Variants in BCAS3 observed in about 807,000 individuals in gnomAD.
BCAS3 encodes the protein BCAS4/BCAS3 fusion.
Under a neutral mutation model 116.1 loss-of-function variants are expected in BCAS3, and 53 were observed. The ratio of observed to expected loss-of-function variants is 0.46; its 90% confidence interval spans 0.37 to 0.57. BCAS3 has a LOEUF of 0.57. BCAS3 is among the 20% of genes least tolerant of loss of function. The pLI is 0.00. For missense variants in BCAS3, 917 were observed against 1,165.4 expected (o/e 0.79, Z 3.10); for synonymous variants, 391 against 408.2 (o/e 0.96, Z 0.51).
chr17:60,826,558 T>C (rs567374425), intron 7 of BCAS3, among the ~76,000 whole-genome samples: 2 of 152,252 alleles, frequency 1.3e-5, no homozygotes, highest in Admixed American at 1.3e-4. Flanking sequence ...AAGAAAATAT[T>C]TGTGAAAGGT....
intron 22 of BCAS3, among the ~76,000 whole-genome samples, chr17:61,329,993 G>C (rs189393290): frequency 6.6e-6 from 1 of 152,140 alleles, no homozygotes; most frequent in Non-Finnish European, 1.5e-5. Context: ...CACCGTCCCT[G>C]CCCTAACAGA....
At position 61,196,420 on chromosome 17, in the gene BCAS3, C is replaced by T. The variant is rs1014743911; in HGVS notation, c.2425+111856C>T. 1.3e-5 allele frequency among the ~76,000 whole-genome samples: 2 copies of T among 152,174 alleles called. No homozygotes were observed. Among genetic ancestry groups the T allele is most frequent in the Non-Finnish European group, 2.9e-5 (2 of 68,038 alleles). On this transcript the variant is annotated intron_variant, in intron 22 of 23. Coordinates refer to ENST00000407086, the MANE Select transcript of BCAS3 (RefSeq NM_017679.5). The surrounding 1 kb of genome is among the most constrained non-coding windows in gnomAD (Gnocchi z 4.7). ...GCCGCTAAAAATGAAAACCATGCCC[C>T]AGCCGGGACAAGAACAGGGTCAACA...
intron 22 of BCAS3, among the ~76,000 whole-genome samples, chr17:61,263,378 T>C (rs2049390376): frequency 6.6e-6 from 1 of 152,184 alleles, no homozygotes; most frequent in Admixed American, 6.5e-5. Context: ...AACCTGGACA[T>C]AGGGGTGAGA....
intron 22 of BCAS3, among the ~76,000 whole-genome samples, chr17:61,129,438 C>T (rs2076216000): frequency 6.6e-6 from 1 of 152,218 alleles, no homozygotes; most frequent in African/African-American, 2.4e-5. Flanking sequence ...GAAAACACTG[C>T]ACTGAGCAAA....
chr17:61,003,025 A>T (rs944520557), intron 15 of BCAS3, among the ~76,000 whole-genome samples: 8 of 148,910 alleles, frequency 5.4e-5, no homozygotes, highest in Non-Finnish European at 1.0e-4. Context: ...TATCCTCCCC[A>T]CTCTCGGGTG....
chr17:61,045,114 T>G (rs2067925578), intron 19 of BCAS3, among the ~76,000 whole-genome samples: 1 of 152,084 alleles, frequency 6.6e-6, no homozygotes, highest in Admixed American at 6.5e-5. Context: ...ATTATTATTA[T>G]AAGCTTTTGT....
At chr17:60,741,994 A>AT (rs1254465070) in intron 5 of BCAS3, among the ~76,000 whole-genome samples, 5 of 152,078 alleles carry the variant, frequency 3.3e-5, no homozygotes, top group East Asian at 1.9e-4. Flanking sequence ...GATATCCTGC[A>AT]TTTTTTTTAA....
At chr17:60,684,630 C>T (rs942898892) in intron 3 of BCAS3, among the ~76,000 whole-genome samples, 1 of 152,050 alleles carries the variant, frequency 6.6e-6, no homozygotes, top group Non-Finnish European at 1.5e-5. Context: ...ATAATTTCCT[C>T]TCTCAGAGTC....
In BCAS3 at chr17:61,365,172, T is replaced by C. The variant is rs2058659829; in HGVS notation, c.2426-3155T>C. On this transcript the variant is annotated intron_variant, in intron 22 of 23. Coordinates refer to ENST00000407086, the MANE Select transcript of BCAS3 (RefSeq NM_017679.5). This position sits in a 1 kb window ranked among gnomAD's most constrained non-coding sequence, Gnocchi z 4.6. ...GTTAGTCTTTCTTGAAGTCCAGGCCTATTTCCATCCACCACTATGACACTA... is the reference window on the plus strand; with the variant it reads ...GTTAGTCTTTCTTGAAGTCCAGGCCCATTTCCATCCACCACTATGACACTA... Among the ~76,000 whole-genome samples, 1 of 152,230 alleles carries C rather than the reference T, an allele frequency of 6.6e-6. No homozygotes were observed. The highest frequency in any genetic ancestry group is 1.5e-5 in the Non-Finnish European group (1 of 68,040).
rs1432749356 is a variant in BCAS3, at chr17:61,377,351, G to A, written c.2593+8857G>A. Among the ~76,000 whole-genome samples the A allele has an allele frequency of 6.6e-6, 1 of 152,156 alleles. No individual in the cohort carries two copies. The highest frequency in any genetic ancestry group is 1.5e-5 in the Non-Finnish European group (1 of 68,034). ...TGGGACAGCCGGTGGCCTCGGCAGGGGTGGTGTTGTTGGTGTTGCTATTTG... is the reference window on the plus strand; with the variant it reads ...TGGGACAGCCGGTGGCCTCGGCAGGAGTGGTGTTGTTGGTGTTGCTATTTG... On this transcript the variant is annotated intron_variant, in intron 23 of 23. Coordinates refer to ENST00000407086, the MANE Select transcript of BCAS3 (RefSeq NM_017679.5). The surrounding 1 kb of genome is among the most constrained non-coding windows in gnomAD (Gnocchi z 4.6).
chr17:60,709,258 C>A lies in BCAS3; in HGVS notation c.254C>A (p.Thr85Asn), dbSNP rs775826447. The A allele has an allele frequency of 6.3e-7, 1 of 1,596,744 alleles. No homozygotes were observed. Among genetic ancestry groups the A allele is most frequent in the South Asian group, 1.1e-5 (1 of 90,716 alleles). Residue 85 changes from threonine (T) to asparagine (N), a missense_variant, in exon 5 of 24, where the codon ACT becomes AAT. This residue lies in a region of BCAS3 where 807 missense variants were observed against 1,026.0 expected (regional missense o/e 0.79). Coordinates refer to ENST00000407086, the MANE Select transcript of BCAS3 (RefSeq NM_017679.5). ...RNLEFHEIHS[T>N]GNEPPLLIMI... ...CTGGAATTTCATGAAATACATAGTA[C>A]TGGGAATGAACCGCCTTTGTTGATT...
Position 61,161,056 on chromosome 17 carries a change from G to C in BCAS3, c.2425+76492G>C, listed in dbSNP as rs1390411107. The stretch of plus-strand genomic sequence containing the variant: ...TTGGGACGACTACAAGAGATCTATA[G>C]TTAAAATACTCTGCAGATGATGAAG... On this transcript the variant is annotated intron_variant, in intron 22 of 23. Coordinates refer to ENST00000407086, the MANE Select transcript of BCAS3 (RefSeq NM_017679.5). The surrounding 1 kb of genome is among the most constrained non-coding windows in gnomAD (Gnocchi z 4.8). Among the ~76,000 whole-genome samples the C allele has an allele frequency of 6.6e-6, 1 of 152,086 alleles. No individual in the cohort carries two copies. Among genetic ancestry groups the C allele is most frequent in the Non-Finnish European group, 1.5e-5 (1 of 68,018 alleles).
rs1267985905 is a variant in BCAS3, at chr17:60,854,949, G to GTTTTTTTTTTTTTTTTTT, written c.477-13623_477-13606dup. Among the ~76,000 whole-genome samples the GTTTTTTTTTTTTTTTTTT allele has an allele frequency of 3.3e-5, 4 of 121,952 alleles. 1 individual carries two copies. The highest frequency in any genetic ancestry group is 5.3e-4 in the South Asian group (2 of 3,772). 80.0% of individuals were successfully genotyped at this position (121,952 alleles called of 152,430 possible). On this transcript the variant is annotated intron_variant, in intron 7 of 23. Transcript: ENST00000407086. ...ATTTTTCTTATTTATTTTCAGTGAG[G>GTTTTTTTTTTTTTTTTTT]TTTTTTTTTTTTTTTTTTTTTGTAG...
intron 22 of BCAS3, among the ~76,000 whole-genome samples, chr17:61,242,276 C>CA (rs372656421): frequency 0.81 from 106,410 of 130,926 alleles, 43,111 homozygotes; most frequent in South Asian, 0.93. Context: ...AACTCTGTCT[C>CA]AAAAAAAAAA....
chr17:61,359,502 T>TG (rs1245567496), intron 22 of BCAS3, among the ~76,000 whole-genome samples: 3 of 149,042 alleles, frequency 2.0e-5, no homozygotes, highest in Non-Finnish European at 4.4e-5. Flanking sequence ...AAGGTTTTGT[T>TG]TTTTTTTTTT....
At position 61,208,696 on chromosome 17, in the gene BCAS3, T is replaced by C. The variant is rs1314945027; in HGVS notation, c.2425+124132T>C. ...CCCTAGAGAGAGCCTCAGACACATTTTGTTCCCAAACAGAATTAGAAGGAA... is the reference window on the plus strand; with the variant it reads ...CCCTAGAGAGAGCCTCAGACACATTCTGTTCCCAAACAGAATTAGAAGGAA... On this transcript the variant is annotated intron_variant, in intron 22 of 23. Coordinates refer to ENST00000407086, the MANE Select transcript of BCAS3 (RefSeq NM_017679.5). This position sits in a 1 kb window ranked among gnomAD's most constrained non-coding sequence, Gnocchi z 4.5. Among the ~76,000 whole-genome samples the C allele has an allele frequency of 6.6e-6, 1 of 152,142 alleles. No individual in the cohort carries two copies. The highest frequency in any genetic ancestry group is 2.4e-5 in the African/African-American group (1 of 41,436).
At chr17:61,371,360 T>C (rs1165311562) in intron 23 of BCAS3, among the ~76,000 whole-genome samples, 1 of 152,242 alleles carries the variant, frequency 6.6e-6, no homozygotes, top group African/African-American at 2.4e-5. Flanking sequence ...GTTGGTAAGC[T>C]GTACCCTAGG....
intron 6 of BCAS3, among the ~76,000 whole-genome samples, chr17:60,768,175 C>T (rs377328340): frequency 5.3e-5 from 8 of 152,124 alleles, no homozygotes; most frequent in African/African-American, 1.9e-4. Flanking sequence ...TGGTTGTAAA[C>T]AATATGAGTG....
At chr17:60,738,241 G>C (rs573924605) in intron 5 of BCAS3, among the ~76,000 whole-genome samples, 3 of 152,354 alleles carry the variant, frequency 2.0e-5, no homozygotes, top group Non-Finnish European at 4.4e-5. Flanking sequence ...GTGCTGTTGA[G>C]TTCAACTATG....
Sources: gnomAD v4.1 joint callset for allele counts (sites outside exome capture counted in the v4.1 genomes callset) on GRCh38, gnomAD v4.1.1 for gene constraint, gnomAD v4.1.1 regional missense constraint, Gnocchi (gnomAD v3.1) non-coding constraint, MANE v1.5 for transcripts, NCBI Gene and HGNC (gene_info 2026-07-23, HGNC 2026-07-21) for gene names.